ESCO1: variants seen among roughly 807,000 people sequenced by gnomAD.
The protein encoded by ESCO1 is establishment of sister chromatid cohesion N-acetyltransferase 1, also known as N-acetyltransferase ESCO1.
In ESCO1, 33 loss-of-function variants were observed where a neutral mutation model predicts 83.5. That is an observed-to-expected ratio of 0.40 (90% CI 0.30 to 0.53). The LOEUF (loss-of-function observed/expected upper bound fraction) is 0.53. Among genes scored for constraint, ESCO1 ranks in the 20% least tolerant of loss-of-function variants. The pLI is 0.63. For synonymous variants in ESCO1, 332 were observed against 324.3 expected (o/e 1.02, Z -0.25); for missense variants, 855 against 968.0 (o/e 0.88, Z 1.55).
In ESCO1 at chr18:21,574,878, G is replaced by A. The variant is rs1598471626; in HGVS notation, c.-35C>T. 2 of 1,516,276 alleles carry A rather than the reference G, an allele frequency of 1.3e-6. No individual in the cohort carries two copies. The highest frequency in any genetic ancestry group is 2.6e-5 in the South Asian group (2 of 76,682). The allele number at this position is 1,516,276 out of a possible 1,614,324, so 93.9% of individuals were successfully genotyped here. ...ATGACTTTCTTTTCTGAGTAGTTTT[G>A]AAGAGGATTTTTGTGTCCTGGTAGG... is the stretch of plus-strand genomic sequence containing the variant. On this transcript the variant is annotated 5_prime_UTR_variant, in exon 4 of 12. Coordinates refer to ENST00000269214, the MANE Select transcript of ESCO1 (RefSeq NM_052911.3).
Position 21,565,358 on chromosome 18 carries a change from A to T in ESCO1, c.1706+788T>A, listed in dbSNP as rs563644773. On this transcript the variant is annotated intron_variant, in intron 6 of 11. Coordinates refer to ENST00000269214, the MANE Select transcript of ESCO1 (RefSeq NM_052911.3). ...AAAAAGCTTTTAATCTTACTTAAACACTCTTACATGTTGCTAATACCTAGT... is the reference window on the plus strand; with the variant it reads ...AAAAAGCTTTTAATCTTACTTAAACTCTCTTACATGTTGCTAATACCTAGT... 2.0e-5 allele frequency among the ~76,000 whole-genome samples: 3 copies of T among 152,298 alleles called. No individual in the cohort carries two copies. The South Asian group carries it at 6.2e-4, about 32-fold the overall frequency.
chr18:21,586,124 A>G (rs1383114210), intron 1 of ESCO1, among the ~76,000 whole-genome samples: 1 of 152,190 alleles, frequency 6.6e-6, no homozygotes, highest in Admixed American at 6.5e-5. Flanking sequence ...CAAACACTAG[A>G]ACTTATTCCT....
chr18:21,595,320 C>T (rs1042560309), intron 1 of ESCO1, among the ~76,000 whole-genome samples: 1 of 148,340 alleles, frequency 6.7e-6, no homozygotes, highest in Non-Finnish European at 1.5e-5. Context: ...GCCGAGATCA[C>T]GCCACTGCAC....
In ESCO1 at chr18:21,571,874, G is replaced by A. The variant is rs1046567914; in HGVS notation, c.1530+1440C>T. On this transcript the variant is annotated intron_variant, in intron 4 of 11. Coordinates refer to ENST00000269214, the MANE Select transcript of ESCO1 (RefSeq NM_052911.3). ...CTCTCTGAACAATCATCTTTTAATTGATGCTTGCATTCCTGTCTATATAGA... is the reference window on the plus strand; with the variant it reads ...CTCTCTGAACAATCATCTTTTAATTAATGCTTGCATTCCTGTCTATATAGA... Among the ~76,000 whole-genome samples the A allele has an allele frequency of 2.0e-5, 3 of 152,196 alleles. No individual in the cohort carries two copies. In the East Asian group the frequency reaches 5.8e-4, roughly 29 times the overall value.
chr18:21,583,344 A>C (rs1439738611), intron 2 of ESCO1, among the ~76,000 whole-genome samples: 1 of 151,698 alleles, frequency 6.6e-6, no homozygotes, highest in Non-Finnish European at 1.5e-5. Context: ...TAATAAAAAA[A>C]AGAAAAAAAA....
chr18:21,579,780 A>ACG (rs1434819359), intron 2 of ESCO1, among the ~76,000 whole-genome samples: 211 of 51,948 alleles, frequency 4.1e-3, no homozygotes, highest in African/African-American at 0.012. Context: ...TGACACACAC[A>ACG]CACACGCGCG....
chr18:21,594,369 C>G (rs2038729236), intron 1 of ESCO1, among the ~76,000 whole-genome samples: 1 of 152,176 alleles, frequency 6.6e-6, no homozygotes. Context: ...CTGTTTTCTT[C>G]TACAAGATGT....
chr18:21,536,281 C>A, intron 9 of ESCO1, 96 bp from the exon 10 acceptor site: 1 of 1,349,098 alleles, frequency 7.4e-7, no homozygotes, highest in Non-Finnish European at 1.0e-6. Flanking sequence ...TTATTCCAAG[C>A]AGGGCATCCT....
chr18:21,585,735 G>A (rs1194482372), intron 1 of ESCO1, among the ~76,000 whole-genome samples: 1 of 152,020 alleles, frequency 6.6e-6, no homozygotes, highest in Admixed American at 6.6e-5. Context: ...TGAGACCACA[G>A]GTACATGCCA....
intron 8 of ESCO1, among the ~76,000 whole-genome samples, chr18:21,552,441 G>A (rs1380331370): frequency 6.6e-6 from 1 of 152,092 alleles, no homozygotes; most frequent in African/African-American, 2.4e-5. Flanking sequence ...GGTTTTCCCC[G>A]TTTGCTCGGC....
At chr18:21,556,428 TAAGC>T (rs1275639746) in intron 8 of ESCO1, among the ~76,000 whole-genome samples, 3 of 152,182 alleles carry the variant, frequency 2.0e-5, no homozygotes, top group African/African-American at 7.2e-5. Context: ...AAATAAAGAT[TAAGC>T]AAGAGTTACT....
intron 10 of ESCO1, 92 bp from the exon 11 acceptor site, chr18:21,532,752 G>A: frequency 1.6e-6 from 2 of 1,242,912 alleles, no homozygotes; most frequent in Non-Finnish European, 2.2e-6. Flanking sequence ...ACATTTGACT[G>A]GCTTAACAAA....
chr18:21,586,961 T>C (rs1170725852), intron 1 of ESCO1, among the ~76,000 whole-genome samples: 1 of 152,204 alleles, frequency 6.6e-6, no homozygotes, highest in Non-Finnish European at 1.5e-5. Flanking sequence ...GGATATTTCA[T>C]TTTGTCAGAT....
At chr18:21,547,125 TTGCTCTA>T (rs1568095386) in intron 8 of ESCO1, among the ~76,000 whole-genome samples, 1 of 152,238 alleles carries the variant, frequency 6.6e-6, no homozygotes, top group African/African-American at 2.4e-5. Flanking sequence ...TCATATGTCC[TTGCTCTA>T]TGCTCTATAT....
At position 21,575,073 on chromosome 18, in the gene ESCO1, A is replaced by C. The variant is rs1879785085; in HGVS notation, c.-230T>G. ...ATGAATGCTAAAAGACACTTGCTTT[A>C]CTTTGGACAAGGTAATAAAAATTTG... On this transcript the variant is annotated 5_prime_UTR_variant, in exon 4 of 12. Coordinates refer to ENST00000269214, the MANE Select transcript of ESCO1 (RefSeq NM_052911.3). 2.5e-6 allele frequency: 1 copy of C among 392,922 alleles called. No individual in the cohort carries two copies. Among genetic ancestry groups the C allele is most frequent in the Non-Finnish European group, 4.5e-6 (1 of 223,322 alleles). 24.3% of individuals were successfully genotyped at this position (392,922 alleles called of 1,614,324 possible).
intron 8 of ESCO1, among the ~76,000 whole-genome samples, chr18:21,557,434 C>G (rs975238835): frequency 9.8e-5 from 15 of 152,340 alleles, no homozygotes; most frequent in African/African-American, 3.4e-4. Flanking sequence ...TCTTTCCTGT[C>G]TATGAAAACA....
chr18:21,555,083 A>G (rs2038096045), intron 8 of ESCO1, among the ~76,000 whole-genome samples: 1 of 152,126 alleles, frequency 6.6e-6, no homozygotes, highest in African/African-American at 2.4e-5. Flanking sequence ...GTGACAGAGC[A>G]AGACTTCGTC....
chr18:21,599,192 C>G (rs2038805939), intron 1 of ESCO1, among the ~76,000 whole-genome samples: 1 of 152,130 alleles, frequency 6.6e-6, no homozygotes, highest in Non-Finnish European at 1.5e-5. Flanking sequence ...GAAAACTTAG[C>G]CTAACATGGT....
intron 8 of ESCO1, among the ~76,000 whole-genome samples, chr18:21,559,737 A>T (rs1006590309): frequency 6.6e-6 from 1 of 152,262 alleles, no homozygotes; most frequent in African/African-American, 2.4e-5. Context: ...TTGAAAAAGT[A>T]CAAATTTCAA....
Sources: gnomAD v4.1 joint callset for allele counts (sites outside exome capture counted in the v4.1 genomes callset) on GRCh38, gnomAD v4.1.1 for gene constraint, MANE v1.5 for transcripts, NCBI Gene and HGNC (gene_info 2026-07-23, HGNC 2026-07-21) for gene names.